Variants in DGKK observed in about 807,000 individuals in gnomAD.
DGKK encodes the protein diacylglycerol kinase kappa, also known as 142 kDa diacylglycerol kinase.
In DGKK, 35 loss-of-function variants were observed where a neutral mutation model predicts 92.2. The ratio of observed to expected loss-of-function variants is 0.38; its 90% CI spans 0.29 to 0.50. DGKK has a LOEUF of 0.50. DGKK is among the 20% of genes least tolerant of loss of function. The pLI is 0.92. For synonymous variants in DGKK, 368 were observed against 360.6 expected, an observed-to-expected ratio of 1.02 and a Z score of -0.23; for missense variants, 910 against 992.2, an observed-to-expected ratio of 0.92 and a Z score of 1.11.
intron 22 of DGKK, among the ~76,000 whole-genome samples, chrX:50,377,684 T>C (rs950544215): frequency 4.5e-5 from 5 of 112,153 alleles, no homozygotes; most frequent in African/African-American, 1.6e-4. Context: ...TAGAGACACC[T>C]AAAGACCATG....
intron 1 of DGKK, among the ~76,000 whole-genome samples, chrX:50,429,581 T>C (rs909878490): frequency 1.5e-3 from 161 of 110,810 alleles, no homozygotes; most frequent in Non-Finnish European, 2.7e-3. Flanking sequence ...CCCAGCTACT[T>C]GGGAGGCTGA....
At chrX:50,394,004 C>T (rs1367861016) in intron 8 of DGKK, among the ~76,000 whole-genome samples, 1 of 111,941 alleles carries the variant, frequency 8.9e-6, no homozygotes, top group African/African-American at 3.2e-5. Context: ...TAATAATCTC[C>T]AATATTGTAG....
At chrX:50,372,494 GA>G (rs1194628378) in intron 25 of DGKK, among the ~76,000 whole-genome samples, 4 of 111,854 alleles carry the variant, frequency 3.6e-5, no homozygotes, top group Non-Finnish European at 7.5e-5. Context: ...GAGAGAGCTA[GA>G]GAGAGGCTGG....
At chrX:50,391,301 C>T in intron 11 of DGKK, 136 bp downstream of exon 11, 6 of 858,247 alleles carry the variant, frequency 7.0e-6, no homozygotes, top group Non-Finnish European at 9.6e-6. Flanking sequence ...CCACCCAACC[C>T]ACAAATGGCT....
intron 1 of DGKK, among the ~76,000 whole-genome samples, chrX:50,429,075 C>T (rs1370752979): frequency 1.8e-5 from 2 of 111,930 alleles, no homozygotes; most frequent in Non-Finnish European, 1.9e-5. Flanking sequence ...GAAGGGAGAA[C>T]CCTTGCCTAT....
At chrX:50,398,483 A>C (rs1322608838) in intron 8 of DGKK, among the ~76,000 whole-genome samples, 2 of 112,174 alleles carry the variant, frequency 1.8e-5, no homozygotes, top group African/African-American at 6.5e-5. Context: ...TCAAGATTGC[A>C]GATGACTAGG....
intron 1 of DGKK, among the ~76,000 whole-genome samples, chrX:50,438,055 G>A (rs781794688): frequency 2.3e-4 from 25 of 110,706 alleles, no homozygotes; most frequent in Non-Finnish European, 4.4e-4. Flanking sequence ...TCCTGTGGGG[G>A]AGAAGAACTG....
intron 4 of DGKK, among the ~76,000 whole-genome samples, chrX:50,408,732 T>C (rs976247482): frequency 1.1e-4 from 12 of 111,857 alleles, no homozygotes; most frequent in Non-Finnish European, 2.1e-4. Flanking sequence ...TGTCTCAACA[T>C]TGTATTTTGG....
intron 25 of DGKK, 93 bp from the exon 26 acceptor site, chrX:50,371,927 A>G (rs1300301338): frequency 1.9e-6 from 1 of 525,449 alleles, no homozygotes; most frequent in East Asian, 3.9e-5. Flanking sequence ...GCTAGTGACC[A>G]AGAGACCACA....
At chrX:50,418,171 G>A (rs1557228752) in intron 4 of DGKK, among the ~76,000 whole-genome samples, 1 of 111,299 alleles carries the variant, frequency 9.0e-6, no homozygotes, top group African/African-American at 3.3e-5. Flanking sequence ...TTTCTCCTCT[G>A]AACTCCCATA....
intron 20 of DGKK, 49 bp downstream of exon 20, chrX:50,379,578 T>G (rs782189216): frequency 9.6e-7 from 1 of 1,037,181 alleles, no homozygotes; most frequent in Non-Finnish European, 1.4e-6. Flanking sequence ...CAGAGAGACC[T>G]TAGTGGGATC....
intron 4 of DGKK, among the ~76,000 whole-genome samples, chrX:50,414,959 T>A (rs939395155): frequency 8.9e-6 from 1 of 111,790 alleles, no homozygotes; most frequent in Admixed American, 9.5e-5. Flanking sequence ...TAAAGAATGA[T>A]CCCAAAGGTG....
intron 14 of DGKK, 71 bp from the exon 15 acceptor site, chrX:50,386,657 G>T: frequency 1.1e-6 from 1 of 927,976 alleles, no homozygotes; most frequent in Non-Finnish European, 1.5e-6. Flanking sequence ...ATGAGGAGTG[G>T]TGGTGATATG....
intron 1 of DGKK, among the ~76,000 whole-genome samples, chrX:50,441,624 A>G (rs1557231317): frequency 1.8e-5 from 2 of 111,776 alleles, no homozygotes; most frequent in Non-Finnish European, 3.8e-5. Context: ...ACGTCCCACA[A>G]AGGTAATTGA....
At chrX:50,450,342 A>G (rs782488910) in intron 1 of DGKK, among the ~76,000 whole-genome samples, 79 of 112,078 alleles carry the variant, frequency 7.0e-4, no homozygotes, top group African/African-American at 2.5e-3. Context: ...TGCCATTTAT[A>G]AAACACAGAG....
intron 7 of DGKK, among the ~76,000 whole-genome samples, chrX:50,401,468 TTAA>T (rs1193475536): frequency 9.0e-6 from 1 of 110,559 alleles, no homozygotes; most frequent in East Asian, 2.8e-4. Context: ...TATAAAAGAG[TTAA>T]TAATAATAAT....
At chrX:50,447,326 G>GTA (rs1194566657) in intron 1 of DGKK, among the ~76,000 whole-genome samples, 10 of 18,177 alleles carry the variant, frequency 5.5e-4, no homozygotes, top group African/African-American at 7.3e-4. Context: ...GTGTGTGTAT[G>GTA]TATATATATA....
intron 2 of DGKK, 71 bp from the exon 3 acceptor site, chrX:50,422,597 AACACACACACAC>A (rs59226442): frequency 2.9e-5 from 10 of 350,850 alleles, no homozygotes; most frequent in African/African-American, 9.6e-5. Context: ...TTAAAAGGTA[AACACACACACAC>A]ACACACACAC....
At chrX:50,397,658 C>A (rs1557226230) in intron 8 of DGKK, among the ~76,000 whole-genome samples, 1 of 112,270 alleles carries the variant, frequency 8.9e-6, no homozygotes, top group East Asian at 2.8e-4. Context: ...ACAACCACTG[C>A]ACTTCACTAT....
Sources: allele counts gnomAD v4.1 joint callset (sites outside exome capture counted in the v4.1 genomes callset), GRCh38; gene constraint gnomAD v4.1.1; transcripts MANE v1.5; gene names NCBI Gene and HGNC (gene_info 2026-07-23, HGNC 2026-07-21).